The following ATF6 variants were observed in gnomAD, a reference collection of about 807,000 sequenced individuals.
The protein encoded by ATF6 is cyclic AMP-dependent transcription factor ATF-6 alpha.
A neutral mutation model predicts 83.6 loss-of-function variants in ATF6; 53 were observed. That is an observed-to-expected ratio of 0.63 (90% CI 0.51 to 0.80). ATF6 has a LOEUF of 0.80. Ranked by LOEUF, ATF6 falls within the 30% of genes least tolerant of loss-of-function variation. ATF6 has a pLI of 0.00. For missense variants in ATF6, 744 were observed against 797.9 expected, an observed-to-expected ratio of 0.93 and a Z score of 0.81; for synonymous variants, 288 against 285.8, an observed-to-expected ratio of 1.01 and a Z score of -0.08.
intron 14 of ATF6, among the ~76,000 whole-genome samples, chr1:161,872,850 G>A (rs1328472309): frequency 6.6e-6 from 1 of 151,468 alleles, no homozygotes; most frequent in Non-Finnish European, 1.5e-5. Flanking sequence ...CCTAGATATA[G>A]ATAAGGAGAA....
chr1:161,796,937 A>C (rs552356263), intron 6 of ATF6, among the ~76,000 whole-genome samples: 2 of 150,918 alleles, frequency 1.3e-5, no homozygotes, highest in Non-Finnish European at 3.0e-5. Flanking sequence ...TTTTTTTCAC[A>C]TTATGATAAA....
intron 9 of ATF6, among the ~76,000 whole-genome samples, chr1:161,830,085 G>A (rs1371435160): frequency 6.6e-6 from 1 of 152,176 alleles, no homozygotes; most frequent in African/African-American, 2.4e-5. Flanking sequence ...AAGCTGATAA[G>A]CAACTTCAGC....
chr1:161,843,392 A>AT (rs1458186779), intron 9 of ATF6, among the ~76,000 whole-genome samples: 2 of 152,164 alleles, frequency 1.3e-5, no homozygotes, highest in South Asian at 4.1e-4. Context: ...TCTTTGAGTC[A>AT]TTAGCACCAA....
At chr1:161,796,573 C>T (rs919047189) in intron 6 of ATF6, among the ~76,000 whole-genome samples, 2 of 152,170 alleles carry the variant, frequency 1.3e-5, no homozygotes, top group African/African-American at 4.8e-5. Flanking sequence ...TATCTTTGTA[C>T]AGCTCTTCAA....
At chr1:161,912,489 C>T (rs1039414058) in intron 15 of ATF6, 109 bp downstream of exon 15, 12 of 526,684 alleles carry the variant, frequency 2.3e-5, no homozygotes, top group East Asian at 2.1e-4. Context: ...AGTATATATC[C>T]GTACATTATT....
intron 15 of ATF6, among the ~76,000 whole-genome samples, chr1:161,917,766 T>A (rs1688130224): frequency 6.6e-6 from 1 of 152,210 alleles, no homozygotes; most frequent in African/African-American, 2.4e-5. Flanking sequence ...AAAGTTAATA[T>A]ACATTGAACC....
chr1:161,892,376 GA>G (rs760778770), intron 14 of ATF6, among the ~76,000 whole-genome samples: 9 of 152,182 alleles, frequency 5.9e-5, no homozygotes, highest in Non-Finnish European at 1.2e-4. Context: ...CCCTTAGAAT[GA>G]AAAGAGGAAT....
chr1:161,886,998 AGT>A (rs1337011605), intron 14 of ATF6, among the ~76,000 whole-genome samples: 7 of 152,204 alleles, frequency 4.6e-5, no homozygotes, highest in African/African-American at 1.7e-4. Flanking sequence ...CTTAACTTGC[AGT>A]GGTCTACAAG....
At chr1:161,924,854 G>C (rs1171028384) in intron 15 of ATF6, among the ~76,000 whole-genome samples, 1 of 152,108 alleles carries the variant, frequency 6.6e-6, no homozygotes, top group Non-Finnish European at 1.5e-5. Context: ...AAATATCATG[G>C]TTAAAAAGGC....
chr1:161,885,145 T>C lies in ATF6; in HGVS notation c.1719+21833T>C, dbSNP rs111274042. On this transcript the variant is annotated intron_variant, in intron 14 of 15. Transcript: ENST00000367942. ...TACAGCACTGAGCTACAGATTATTA[T>C]TCAGCTGTAGAAGTTTTATGCTTAG... is the stretch of plus-strand genomic sequence containing the variant. Among the ~76,000 whole-genome samples, 866 of 152,336 alleles carry C rather than the reference T, an allele frequency of 5.7e-3. 6 individuals are homozygous for C. The highest frequency in any genetic ancestry group is 9.2e-3 in the Non-Finnish European group (625 of 68,006).
At chr1:161,831,061 C>T (rs1168989462) in intron 9 of ATF6, among the ~76,000 whole-genome samples, 1 of 152,172 alleles carries the variant, frequency 6.6e-6, no homozygotes, top group Non-Finnish European at 1.5e-5. Flanking sequence ...TGACAAAGGG[C>T]TGATATCCAG....
chr1:161,896,374 G>T (rs549349720), intron 14 of ATF6, among the ~76,000 whole-genome samples: 1 of 152,314 alleles, frequency 6.6e-6, no homozygotes, highest in East Asian at 1.9e-4. Flanking sequence ...TGAAATTACA[G>T]GCGTGAGCCA....
chr1:161,839,096 G>A (rs1406455232), intron 9 of ATF6, among the ~76,000 whole-genome samples: 1 of 152,174 alleles, frequency 6.6e-6, no homozygotes, highest in African/African-American at 2.4e-5. Context: ...CCATTCTTGA[G>A]TTGTGGGTTA....
chr1:161,802,436 G>A (rs1162131731), intron 7 of ATF6, among the ~76,000 whole-genome samples, 164 bp downstream of exon 7: 1 of 151,832 alleles, frequency 6.6e-6, no homozygotes, highest in Non-Finnish European at 1.5e-5. Context: ...AGGAAAATTA[G>A]GGTAAGGCTT....
At chr1:161,918,651 T>C (rs1232836467) in intron 15 of ATF6, among the ~76,000 whole-genome samples, 2 of 152,206 alleles carry the variant, frequency 1.3e-5, no homozygotes, top group Non-Finnish European at 2.9e-5. Flanking sequence ...GAGTTGTTCA[T>C]TCTGAGCATA....
chr1:161,830,365 A>G (rs1686022091), intron 9 of ATF6, among the ~76,000 whole-genome samples: 1 of 152,202 alleles, frequency 6.6e-6, no homozygotes, highest in Non-Finnish European at 1.5e-5. Flanking sequence ...GGAAATGGCC[A>G]TACTGCCCAA....
chr1:161,864,656 A>G (rs12401299), intron 14 of ATF6, among the ~76,000 whole-genome samples: 21,575 of 152,200 alleles, frequency 0.14, 2,098 homozygotes, highest in East Asian at 0.32. Context: ...CACTTTAGCC[A>G]TAGCGTCTCA....
At chr1:161,943,795 G>T (rs1479307553) in intron 15 of ATF6, among the ~76,000 whole-genome samples, 2 of 152,142 alleles carry the variant, frequency 1.3e-5, no homozygotes, top group Non-Finnish European at 2.9e-5. Context: ...CAAAATTCCA[G>T]TCTAGCCCCT....
intron 15 of ATF6, among the ~76,000 whole-genome samples, chr1:161,945,020 A>G (rs1189224886): frequency 1.3e-5 from 2 of 152,214 alleles, no homozygotes; most frequent in Non-Finnish European, 2.9e-5. Context: ...AGAGAGTAAA[A>G]TACAGTTATT....
Sources: gnomAD v4.1 joint callset for allele counts (sites outside exome capture counted in the v4.1 genomes callset) on GRCh38, gnomAD v4.1.1 for gene constraint, MANE v1.5 for transcripts, NCBI Gene and HGNC (gene_info 2026-07-23, HGNC 2026-07-21) for gene names.